Variants in SFMBT1 observed in about 807,000 individuals in gnomAD.
The protein encoded by SFMBT1 is scm-like with four MBT domains protein 1.
A neutral mutation model predicts 108.7 loss-of-function variants in SFMBT1; 32 were observed. The observed-to-expected ratio is 0.29, with a 90% CI of 0.22 to 0.40. The LOEUF (loss-of-function observed/expected upper bound fraction) is 0.40. Among genes scored for constraint, SFMBT1 ranks in the 10% least tolerant of loss-of-function variants. The pLI, the probability that SFMBT1 is intolerant of heterozygous loss-of-function variation, is 1.00. For synonymous variants in SFMBT1, 348 were observed against 369.5 expected (o/e 0.94, Z 0.67); for missense variants, 816 against 1,059.6 (o/e 0.77, Z 3.19).
chr3:53,029,848 C>T (rs1460362841), intron 1 of SFMBT1, among the ~76,000 whole-genome samples: 1 of 152,112 alleles, frequency 6.6e-6, no homozygotes, highest in Non-Finnish European at 1.5e-5. Flanking sequence ...CGACTCTCTA[C>T]CTCCAACTCC....
intron 1 of SFMBT1, among the ~76,000 whole-genome samples, chr3:53,032,970 T>A (rs116010076): frequency 6.6e-6 from 1 of 152,066 alleles, no homozygotes; most frequent in Non-Finnish European, 1.5e-5. Context: ...AAGCCTCTGA[T>A]AGAATACAAG....
At chr3:53,023,696 C>G (rs1383227003) in intron 1 of SFMBT1, among the ~76,000 whole-genome samples, 1 of 152,166 alleles carries the variant, frequency 6.6e-6, no homozygotes, top group Non-Finnish European at 1.5e-5. Flanking sequence ...TTGGTTGCAG[C>G]GAACTCCAGT....
chr3:52,915,326 A>G (rs899509308), intron 14 of SFMBT1, among the ~76,000 whole-genome samples: 3 of 152,212 alleles, frequency 2.0e-5, no homozygotes, highest in Non-Finnish European at 2.9e-5. Flanking sequence ...CTGTGGTTTC[A>G]GTAGGCATTC....
At chr3:52,984,299 A>G (rs1178959303) in intron 1 of SFMBT1, among the ~76,000 whole-genome samples, 1 of 152,216 alleles carries the variant, frequency 6.6e-6, no homozygotes, top group Non-Finnish European at 1.5e-5. Context: ...TATAATTACT[A>G]TCTGTGTAGT....
chr3:53,043,120 A>G (rs1420374945), intron 1 of SFMBT1: 1 of 152,274 alleles, frequency 6.6e-6, no homozygotes, highest in African/African-American at 2.4e-5. Flanking sequence ...AACTAACAAA[A>G]TAAGAATTCA....
chr3:52,992,464 AT>A (rs897475239), intron 1 of SFMBT1, among the ~76,000 whole-genome samples: 6 of 152,110 alleles, frequency 3.9e-5, no homozygotes, highest in South Asian at 4.1e-4. Context: ...AATAAAAAAA[AT>A]TTTTTTAATA....
At chr3:52,921,145 A>G (rs1237697444) in intron 11 of SFMBT1, among the ~76,000 whole-genome samples, 1 of 152,236 alleles carries the variant, frequency 6.6e-6, no homozygotes, top group Non-Finnish European at 1.5e-5. Context: ...TGACATCCGC[A>G]TTAAATGCCA....
At chr3:52,979,537 T>A (rs1447270596) in intron 1 of SFMBT1, among the ~76,000 whole-genome samples, 1 of 152,126 alleles carries the variant, frequency 6.6e-6, no homozygotes, top group African/African-American at 2.4e-5. Flanking sequence ...AAGTGGTACG[T>A]CCCTTCCACC....
At chr3:52,992,367 A>T (rs1164123697) in intron 1 of SFMBT1, among the ~76,000 whole-genome samples, 2 of 152,232 alleles carry the variant, frequency 1.3e-5, no homozygotes, top group Non-Finnish European at 2.9e-5. Context: ...ATTTTACATT[A>T]CGTGATTATT....
At position 52,937,873 on chromosome 3, in the gene SFMBT1, G is replaced by A. The variant is rs576650353; in HGVS notation, c.365-2972C>T. 3.3e-5 allele frequency among the ~76,000 whole-genome samples: 5 copies of A among 152,138 alleles called. No homozygotes were observed. In the South Asian group the frequency reaches 6.2e-4, roughly 19 times the overall value. Reference sequence around the variant, plus strand: ...TGGGATTACAGGAGTGAGCCACTGCGCCTGGCCAACGATTTACTCTTTTAT... The same window carrying A: ...TGGGATTACAGGAGTGAGCCACTGCACCTGGCCAACGATTTACTCTTTTAT... On this transcript the variant is annotated intron_variant, in intron 4 of 20. Transcript: ENST00000394752.
At chr3:52,936,247 A>G (rs1405428587) in intron 4 of SFMBT1, among the ~76,000 whole-genome samples, 10 of 152,206 alleles carry the variant, frequency 6.6e-5, no homozygotes, top group Non-Finnish European at 1.3e-4. Context: ...ACTTCCATAA[A>G]GAAAAATTTC....
intron 3 of SFMBT1, among the ~76,000 whole-genome samples, chr3:52,950,361 C>A (rs1267382722): frequency 6.6e-6 from 1 of 152,210 alleles, no homozygotes; most frequent in African/African-American, 2.4e-5. Context: ...AATAACAATT[C>A]TAATTCTGCC....
At chr3:52,997,425 A>C (rs1698374922) in intron 1 of SFMBT1, among the ~76,000 whole-genome samples, 1 of 149,088 alleles carries the variant, frequency 6.7e-6, no homozygotes, top group Admixed American at 6.8e-5. Flanking sequence ...AGTCCCAGCT[A>C]CTCGGGAGGC....
chr3:52,946,159 A>G (rs893542965), intron 3 of SFMBT1, among the ~76,000 whole-genome samples: 9 of 152,254 alleles, frequency 5.9e-5, no homozygotes, highest in African/African-American at 2.2e-4. Context: ...TTGACATGCA[A>G]TATAGGCTCA....
At position 52,920,632 on chromosome 3, in the gene SFMBT1, G is replaced by A; in HGVS notation, c.1277C>T (p.Pro426Leu). Reference sequence around the variant, plus strand: ...GGATTCCACACTCACAATACATTCAGGTATAGGCTTCTTAGAACCTGTTTA... The same window carrying A: ...GGATTCCACACTCACAATACATTCAAGTATAGGCTTCTTAGAACCTGTTTA... ...LQLEGSKKPI[P>L]ECIVSVESMD... The change falls in exon 12 of 21, where the codon CCT becomes CTT. Residue 426 changes from proline to leucine, a missense_variant. By Grantham distance (98) the Pro-to-Leu change is moderately conservative (BLOSUM62 -3). Transcript: ENST00000394752. 2.5e-6 allele frequency: 4 copies of A among 1,610,744 alleles called. No individual in the cohort carries two copies. Among genetic ancestry groups the A allele is most frequent in the Non-Finnish European group, 3.4e-6 (4 of 1,178,246 alleles).
intron 1 of SFMBT1, among the ~76,000 whole-genome samples, chr3:53,040,967 AATTTTT>A (rs1559560297): frequency 8.2e-5 from 6 of 72,830 alleles, no homozygotes; most frequent in Non-Finnish European, 1.5e-4. Context: ...AAGACACCTG[AATTTTT>A]TTTTTTTTTT....
At chr3:53,027,521 T>C (rs1236989686) in intron 1 of SFMBT1, among the ~76,000 whole-genome samples, 1 of 152,192 alleles carries the variant, frequency 6.6e-6, no homozygotes, top group Non-Finnish European at 1.5e-5. Context: ...AGTTCACTAA[T>C]GAGAAAATTC....
At chr3:52,920,691 C>T (rs1270816811) in intron 11 of SFMBT1, 41 bp from the exon 12 acceptor site, 1 of 1,224,924 alleles carries the variant, frequency 8.2e-7, no homozygotes. Context: ...ACAAACAAAC[C>T]TTTTTTTAGA....
chr3:52,932,030 T>C (rs1439203432), intron 6 of SFMBT1, 32 bp downstream of exon 6: 2 of 1,600,212 alleles, frequency 1.2e-6, no homozygotes, highest in South Asian at 1.1e-5. Context: ...CATGTTAATG[T>C]CACAGAAGAA....
Sources: allele counts gnomAD v4.1 joint callset (sites outside exome capture counted in the v4.1 genomes callset), GRCh38; gene constraint gnomAD v4.1.1; transcripts MANE v1.5; gene names NCBI Gene and HGNC (gene_info 2026-07-23, HGNC 2026-07-21).